Variants in SPAG17 observed in about 807,000 individuals in gnomAD.
The protein encoded by SPAG17 is sperm-associated antigen 17.
Under a neutral mutation model 273.6 loss-of-function variants are expected in SPAG17, and 169 were observed. The observed-to-expected ratio is 0.62, with a 90% CI of 0.55 to 0.70. SPAG17 has a LOEUF of 0.70. Among genes scored for constraint, SPAG17 ranks in the 30% least tolerant of loss-of-function variants. The pLI is 0.00. For synonymous variants in SPAG17, 825 were observed against 873.2 expected, an observed-to-expected ratio of 0.94 and a Z score of 0.97; for missense variants, 2,557 against 2,627.8, an observed-to-expected ratio of 0.97 and a Z score of 0.59.
chr1:118,038,978 G>T (rs888075721), intron 23 of SPAG17, among the ~76,000 whole-genome samples: 8 of 152,262 alleles, frequency 5.3e-5, no homozygotes, highest in African/African-American at 1.4e-4. Context: ...TCTGGGTGAG[G>T]CATGTTAATA....
intron 48 of SPAG17, chr1:117,955,272 C>A: frequency 6.4e-7 from 1 of 1,552,376 alleles, no homozygotes. Flanking sequence ...TTAGTAGAAA[C>A]CAACCAAGAG....
chr1:118,073,837 T>C lies in SPAG17; in HGVS notation c.2385+17A>G. 1 of 1,542,286 alleles carries C rather than the reference T, an allele frequency of 6.5e-7. No individual in the cohort carries two copies. Among genetic ancestry groups the C allele is most frequent in the Non-Finnish European group, 8.8e-7 (1 of 1,134,708 alleles). The stretch of plus-strand genomic sequence containing the variant: ...ACCTATCTGACCGTCTCCTAGAGAA[T>C]CACAGTCCATAAATACCTGAAGCAG... On this transcript the variant is annotated intron_variant, in intron 17 of 48. Transcript: ENST00000336338.
At chr1:118,092,737 C>T (rs972069549) in intron 8 of SPAG17, among the ~76,000 whole-genome samples, 1 of 152,184 alleles carries the variant, frequency 6.6e-6, no homozygotes, top group African/African-American at 2.4e-5. Context: ...CTGCTCTCAG[C>T]ATTCATCATG....
intron 34 of SPAG17, 83 bp from the exon 35 acceptor site, chr1:117,994,613 A>G: frequency 2.1e-6 from 3 of 1,439,984 alleles, no homozygotes; most frequent in Non-Finnish European, 1.9e-6. Flanking sequence ...AAATTCAACA[A>G]GCTCTTTTTG....
At chr1:117,973,290 G>T (rs1654769799) in intron 44 of SPAG17, 135 bp downstream of exon 44, 1 of 1,149,886 alleles carries the variant, frequency 8.7e-7, no homozygotes, top group Non-Finnish European at 1.2e-6. Flanking sequence ...GTACACAGTG[G>T]CCGGAAACTA....
chr1:118,182,168 T>C (rs992527066), intron 1 of SPAG17, among the ~76,000 whole-genome samples: 1 of 152,150 alleles, frequency 6.6e-6, no homozygotes, highest in Admixed American at 6.5e-5. Flanking sequence ...GAAGACATTA[T>C]GTTAAGTAAA....
rs112633807 is a variant in SPAG17 at position 118,012,523 on chromosome 1, T to C, written c.4288-151A>G. The C allele has an allele frequency of 9.5e-5, 75 of 791,476 alleles. No homozygotes were observed. In the African/African-American group the frequency reaches 1.1e-3, roughly 12 times the overall value. The allele number at this position is 791,476 out of a possible 1,614,324, so 49.0% of individuals were successfully genotyped here. ...TTATCTCATCTACCTGATCTAACCT[T>C]CATAACAATCTTGGCAGGTACCCTC... On this transcript the variant is annotated intron_variant, in intron 29 of 48. Coordinates refer to ENST00000336338, the MANE Select transcript of SPAG17 (RefSeq NM_206996.4).
intron 1 of SPAG17, among the ~76,000 whole-genome samples, chr1:118,170,684 G>A (rs1033086501): frequency 1.3e-5 from 2 of 152,194 alleles, no homozygotes; most frequent in Non-Finnish European, 2.9e-5. Flanking sequence ...CTCAGAGCGG[G>A]TAAGAAAGAT....
rs779388038 is a variant in SPAG17 at position 118,081,691 on chromosome 1, T to C, written c.1763-49A>G. On this transcript the variant is annotated intron_variant, in intron 13 of 48. Coordinates refer to ENST00000336338, the MANE Select transcript of SPAG17 (RefSeq NM_206996.4). ...TGCTGGAAATGTTCTTATTAGCACATGGTACAGGGTTGACAGAGGGATAAC... is the reference window on the plus strand; with the variant it reads ...TGCTGGAAATGTTCTTATTAGCACACGGTACAGGGTTGACAGAGGGATAAC... The C allele has an allele frequency of 4.0e-6, 6 of 1,486,038 alleles. No homozygotes were observed. In the African/African-American group the frequency reaches 4.2e-5, roughly 10 times the overall value. The allele number at this position is 1,486,038 out of a possible 1,614,324, so 92.1% of individuals were successfully genotyped here.
At chr1:118,102,058 T>C in intron 4 of SPAG17, 132 bp from the exon 5 acceptor site, 1 of 779,470 alleles carries the variant, frequency 1.3e-6, no homozygotes, top group South Asian at 1.8e-5. Flanking sequence ...ATTCATTATA[T>C]AAGTCAGCAT....
Position 117,990,917 on chromosome 1 carries a change from G to A in SPAG17, c.5476-11C>T, listed in dbSNP as rs1047056815. On this transcript the variant is annotated splice_polypyrimidine_tract_variant and intron_variant, in intron 37 of 48. Transcript: ENST00000336338. ...CATTTTAGGGAAAGACTGAAATGAAGATAGAATTACTTATGATGATTATAT... is the reference window on the plus strand; with the variant it reads ...CATTTTAGGGAAAGACTGAAATGAAAATAGAATTACTTATGATGATTATAT... 1.3e-6 allele frequency: 2 copies of A among 1,512,166 alleles called. No homozygotes were observed. The highest frequency in any genetic ancestry group is 2.8e-5 in the African/African-American group (2 of 71,604). The allele number at this position is 1,512,166 out of a possible 1,614,324, so 93.7% of individuals were successfully genotyped here.
At chr1:118,060,235 A>G (rs1032819610) in intron 18 of SPAG17, among the ~76,000 whole-genome samples, 3 of 152,104 alleles carry the variant, frequency 2.0e-5, no homozygotes, top group African/African-American at 7.2e-5. Flanking sequence ...AACATCTTAC[A>G]TGCATAACAG....
At chr1:117,996,907 A>C (rs1273664926) in intron 32 of SPAG17, among the ~76,000 whole-genome samples, 164 bp from the exon 33 acceptor site, 2 of 152,162 alleles carry the variant, frequency 1.3e-5, no homozygotes, top group Non-Finnish European at 2.9e-5. Flanking sequence ...CATTAATAAA[A>C]GTAAAAACCT....
At chr1:117,954,759 T>A in intron 48 of SPAG17, 1 of 946,172 alleles carries the variant, frequency 1.1e-6, no homozygotes, top group Non-Finnish European at 1.6e-6. Flanking sequence ...CTCTTTTGAA[T>A]CTTGGCATTC....
At chr1:118,050,153 G>C (rs1438407453) in intron 20 of SPAG17, among the ~76,000 whole-genome samples, 1 of 152,104 alleles carries the variant, frequency 6.6e-6, no homozygotes, top group South Asian at 2.1e-4. Context: ...GCAGGCCACC[G>C]CACATGTGGA....
chr1:118,103,367 T>C (rs1471291079), intron 4 of SPAG17, among the ~76,000 whole-genome samples: 1 of 152,174 alleles, frequency 6.6e-6, no homozygotes, highest in Non-Finnish European at 1.5e-5. Context: ...TGAAAATGTA[T>C]GGGATGCTGG....
Position 117,983,920 on chromosome 1 carries a change from G to T in SPAG17, c.5770-7C>A. 1 of 1,536,700 alleles carries T rather than the reference G, an allele frequency of 6.5e-7. No homozygotes were observed. Among genetic ancestry groups the T allele is most frequent in the Non-Finnish European group, 8.9e-7 (1 of 1,122,290 alleles). ...GACTGTCCAGGTGATTATACTGAAA[G>T]GAAAAAAAAACTTATTTTAGACTTA... On this transcript the variant is annotated splice_polypyrimidine_tract_variant and splice_region_variant and intron_variant, in intron 41 of 48. Transcript: ENST00000336338.
chr1:118,065,709 A>G (rs1557978649), intron 18 of SPAG17, among the ~76,000 whole-genome samples: 2 of 152,094 alleles, frequency 1.3e-5, no homozygotes, highest in Non-Finnish European at 2.9e-5. Flanking sequence ...AAATATAAAC[A>G]CCTAAATTGA....
intron 20 of SPAG17, among the ~76,000 whole-genome samples, chr1:118,047,001 G>T (rs554967772): frequency 6.6e-6 from 1 of 152,288 alleles, no homozygotes; most frequent in South Asian, 2.1e-4. Flanking sequence ...TGCTAAACGT[G>T]TGTTCATCAG....
Sources: gnomAD v4.1 joint callset for allele counts (sites outside exome capture counted in the v4.1 genomes callset) on GRCh38, gnomAD v4.1.1 for gene constraint, MANE v1.5 for transcripts, NCBI Gene and HGNC (gene_info 2026-07-23, HGNC 2026-07-21) for gene names.